DOCK2: variants seen among roughly 807,000 people sequenced by gnomAD.
DOCK2 encodes dedicator of cytokinesis protein 2.
DOCK2 carries 87 observed loss-of-function variants against 248.9 expected under a neutral mutation model. The observed-to-expected ratio is 0.35, with a 90% CI of 0.29 to 0.42. The LOEUF is 0.42. DOCK2 is among the 10% of genes least tolerant of loss of function. DOCK2 has a pLI of 1.00. For synonymous variants in DOCK2, 805 were observed against 821.6 expected, an observed-to-expected ratio of 0.98 and a Z score of 0.35; for missense variants, 1,747 against 2,300.2, an observed-to-expected ratio of 0.76 and a Z score of 4.92.
intron 8 of DOCK2, among the ~76,000 whole-genome samples, chr5:169,687,619 TA>T (rs2113387572): frequency 6.6e-6 from 1 of 152,340 alleles, no homozygotes; most frequent in East Asian, 1.9e-4. Context: ...TATATGCTCC[TA>T]AATGGCGTGG....
intron 23 of DOCK2, among the ~76,000 whole-genome samples, chr5:169,757,381 G>T (rs746483390): frequency 2.6e-5 from 4 of 152,024 alleles, no homozygotes; most frequent in Non-Finnish European, 5.9e-5. Flanking sequence ...AAACTCACTG[G>T]TTTATCTTTG....
At chr5:169,822,383 A>G (rs939781086) in intron 26 of DOCK2, among the ~76,000 whole-genome samples, 4 of 152,202 alleles carry the variant, frequency 2.6e-5, no homozygotes, top group Admixed American at 2.6e-4. Context: ...GCACTCCTCA[A>G]CAAATGTAAA....
In DOCK2 at chr5:169,708,153, G is replaced by A; in HGVS notation, c.1384-16G>A. 1.2e-6 allele frequency: 2 copies of A among 1,612,776 alleles called. No homozygotes were observed. The highest frequency in any genetic ancestry group is 8.5e-7 in the Non-Finnish European group (1 of 1,179,416). ...ATTCTGTAGTCTTTTCCCTCACTTT[G>A]TTTTTCTTGGGTCAGAATGCAATTT... On this transcript the variant is annotated splice_polypyrimidine_tract_variant and intron_variant, in intron 14 of 51. Coordinates refer to ENST00000520908, the MANE Select transcript of DOCK2 (RefSeq NM_004946.3).
At chr5:170,020,447 AATG>A (rs201007286) in intron 33 of DOCK2, among the ~76,000 whole-genome samples, 16 of 151,990 alleles carry the variant, frequency 1.1e-4, no homozygotes, top group Admixed American at 2.6e-4. Flanking sequence ...ATCTGCATCT[AATG>A]ATGATGATGA....
intron 25 of DOCK2, among the ~76,000 whole-genome samples, chr5:169,770,539 A>G (rs1335717200): frequency 6.6e-6 from 1 of 151,908 alleles, no homozygotes; most frequent in Admixed American, 6.6e-5. Flanking sequence ...GGCTTAAGTG[A>G]TCCTTCTGCC....
chr5:169,881,239 T>C, intron 27 of DOCK2: 1 of 734,066 alleles, frequency 1.4e-6, no homozygotes, highest in East Asian at 2.7e-5. Flanking sequence ...GAACCAGATG[T>C]TAACATTTCA....
intron 27 of DOCK2, among the ~76,000 whole-genome samples, chr5:169,865,296 C>T (rs1291817203): frequency 2.0e-5 from 3 of 152,166 alleles, no homozygotes; most frequent in Non-Finnish European, 4.4e-5. Context: ...GAACCTGTCG[C>T]AGAGCAGGGG....
chr5:169,651,482 A>AACCGTGTGTT (rs1280953717), intron 1 of DOCK2, among the ~76,000 whole-genome samples: 1 of 152,186 alleles, frequency 6.6e-6, no homozygotes, highest in Non-Finnish European at 1.5e-5. Context: ...GTCACGGAGT[A>AACCGTGTGTT]ACACACGGTC....
At position 170,060,823 on chromosome 5, in the gene DOCK2, A is replaced by G. The variant is rs190504654; in HGVS notation, c.4467+3157A>G. Among the ~76,000 whole-genome samples the G allele has an allele frequency of 1.3e-4, 20 of 152,238 alleles. 1 individual carries two copies. Among genetic ancestry groups the G allele is most frequent in the African/African-American group, 4.8e-4 (20 of 41,542 alleles). On this transcript the variant is annotated intron_variant, in intron 44 of 51. Coordinates refer to ENST00000520908, the MANE Select transcript of DOCK2 (RefSeq NM_004946.3). ...GGGGTGGGCGGATCACAAGGTTAGG[A>G]GTTCAAGACCAGCCTGACCAACATG... is the stretch of plus-strand genomic sequence containing the variant.
At chr5:169,863,549 G>A (rs1274783256) in intron 27 of DOCK2, among the ~76,000 whole-genome samples, 1 of 152,230 alleles carries the variant, frequency 6.6e-6, no homozygotes, top group African/African-American at 2.4e-5. Flanking sequence ...CCCTGGAACA[G>A]CTACAGCTGC....
intron 22 of DOCK2, among the ~76,000 whole-genome samples, chr5:169,731,712 C>G (rs1446058641): frequency 6.6e-6 from 1 of 152,066 alleles, no homozygotes; most frequent in African/African-American, 2.4e-5. Flanking sequence ...GTATAATTTG[C>G]TGGGCTAAAG....
chr5:169,976,792 C>T (rs7704766), intron 27 of DOCK2, among the ~76,000 whole-genome samples: 44,225 of 152,028 alleles, frequency 0.29, 7,308 homozygotes, highest in Middle Eastern at 0.39. Flanking sequence ...CAGCGTCAGG[C>T]AGGGGTGCAC....
chr5:169,895,537 C>G (rs1773547571), intron 27 of DOCK2, among the ~76,000 whole-genome samples: 1 of 152,122 alleles, frequency 6.6e-6, no homozygotes, highest in Non-Finnish European at 1.5e-5. Context: ...GCATCCTCTT[C>G]TTTTGGGGGT....
chr5:169,672,656 T>C (rs568064824), intron 5 of DOCK2, among the ~76,000 whole-genome samples: 31 of 152,268 alleles, frequency 2.0e-4, no homozygotes, highest in African/African-American at 7.2e-4. Context: ...TCCATGGGTT[T>C]AAAGCCTCAA....
chr5:169,867,419 GT>G (rs1771639929), intron 27 of DOCK2, among the ~76,000 whole-genome samples: 2 of 146,732 alleles, frequency 1.4e-5, no homozygotes, highest in African/African-American at 2.5e-5. Context: ...CTGTCTGTCT[GT>G]CTGTCTGTCT....
At chr5:169,793,655 A>C (rs1226160043) in intron 25 of DOCK2, among the ~76,000 whole-genome samples, 1 of 152,100 alleles carries the variant, frequency 6.6e-6, no homozygotes, top group East Asian at 1.9e-4. Flanking sequence ...AAAACACAAA[A>C]ATGAAAAGTG....
At chr5:169,823,809 T>C (rs1480118427) in intron 26 of DOCK2, among the ~76,000 whole-genome samples, 1 of 152,148 alleles carries the variant, frequency 6.6e-6, no homozygotes, top group African/African-American at 2.4e-5. Flanking sequence ...GGTATTCAAT[T>C]AGGAAAAGAG....
intron 27 of DOCK2, among the ~76,000 whole-genome samples, chr5:169,972,586 T>TAGATAGATAGATGATAGATA: frequency 1.4e-5 from 1 of 69,040 alleles, no homozygotes; most frequent in Admixed American, 1.5e-4. Flanking sequence ...GATAGATAGA[T>TAGATAGATAGATGATAGATA]GATAGATAGA....
intron 27 of DOCK2, among the ~76,000 whole-genome samples, chr5:169,906,873 A>T (rs1023324413): frequency 1.3e-5 from 2 of 152,186 alleles, no homozygotes; most frequent in African/African-American, 4.8e-5. Context: ...GTCCTGCTGG[A>T]AATGTGCATG....
Sources: allele counts gnomAD v4.1 joint callset (sites outside exome capture counted in the v4.1 genomes callset), GRCh38; gene constraint gnomAD v4.1.1; transcripts MANE v1.5; gene names NCBI Gene and HGNC (gene_info 2026-07-23, HGNC 2026-07-21).